The following ARHGAP22 variants were observed in gnomAD, a reference collection of about 807,000 sequenced individuals.
ARHGAP22 encodes the protein Rho GTPase activating protein 22.
A neutral mutation model predicts 59.1 loss-of-function variants in ARHGAP22; 48 were observed. The observed-to-expected ratio is 0.81, with a 90% CI of 0.64 to 1.03. The LOEUF is 1.03. Among genes scored for constraint, ARHGAP22 ranks in the 50% least tolerant of loss-of-function variants. The pLI is 0.00. For synonymous variants in ARHGAP22, 445 were observed against 416.4 expected (o/e 1.07, Z -0.84); for missense variants, 1,015 against 958.7 (o/e 1.06, Z -0.78).
At chr10:48,490,039 C>T (rs2050228677) in intron 3 of ARHGAP22, among the ~76,000 whole-genome samples, 1 of 152,122 alleles carries the variant, frequency 6.6e-6, no homozygotes, top group Non-Finnish European at 1.5e-5. Context: ...GGCCCAGAGG[C>T]TCTCTTAAAC....
intron 6 of ARHGAP22, among the ~76,000 whole-genome samples, chr10:48,454,556 T>A (rs2046305105): frequency 1.3e-5 from 2 of 151,878 alleles, no homozygotes; most frequent in South Asian, 2.1e-4. Flanking sequence ...CCTGCACGGG[T>A]GGGGACGGGA....
chr10:48,622,492 T>C (rs184059331), intron 1 of ARHGAP22, among the ~76,000 whole-genome samples: 110 of 152,318 alleles, frequency 7.2e-4, no homozygotes, highest in African/African-American at 2.4e-3. Context: ...GTTTATGGGG[T>C]ACAGTGTGAT....
chr10:48,481,190 C>T lies in ARHGAP22; in HGVS notation c.323-1426G>A, dbSNP rs535889411. 6.6e-5 allele frequency among the ~76,000 whole-genome samples: 10 copies of T among 152,334 alleles called. No individual in the cohort carries two copies. In the East Asian group the frequency reaches 1.5e-3, roughly 24 times the overall value. ...CAGTGGAGCCCAACCCCAGAGGCTG[C>T]TCGGTTGGCTGGTGTGGTCACTCAC... is the stretch of plus-strand genomic sequence containing the variant. On this transcript the variant is annotated intron_variant, in intron 3 of 9. Transcript: ENST00000249601.
chr10:48,566,079 C>G (rs2058031058), intron 2 of ARHGAP22, among the ~76,000 whole-genome samples: 2 of 152,194 alleles, frequency 1.3e-5, no homozygotes, highest in Non-Finnish European at 2.9e-5. Context: ...TCAACATGAT[C>G]AAAGACTGGC....
At chr10:48,465,131 G>A (rs1163122022) in intron 4 of ARHGAP22, among the ~76,000 whole-genome samples, 1 of 152,196 alleles carries the variant, frequency 6.6e-6, no homozygotes, top group South Asian at 2.1e-4. Flanking sequence ...CACCCTCGGA[G>A]GGGAGCCTTG....
chr10:48,641,194 G>T (rs1379658785), intron 1 of ARHGAP22, among the ~76,000 whole-genome samples: 1 of 152,024 alleles, frequency 6.6e-6, no homozygotes, highest in African/African-American at 2.4e-5. Context: ...ACAAAAAAGA[G>T]AAGACATACA....
chr10:48,571,618 G>T (rs1812994604), intron 2 of ARHGAP22, among the ~76,000 whole-genome samples: 1 of 152,186 alleles, frequency 6.6e-6, no homozygotes, highest in Non-Finnish European at 1.5e-5. Flanking sequence ...TTCCTAAATT[G>T]TTTCAATCAT....
Position 48,620,470 on chromosome 10 carries a change from T to A in ARHGAP22, c.52+31764A>T, listed in dbSNP as rs1041820896. 2.6e-5 allele frequency among the ~76,000 whole-genome samples: 4 copies of A among 152,340 alleles called. No individual in the cohort carries two copies. The South Asian group carries it at 8.3e-4, about 32-fold the overall frequency. On this transcript the variant is annotated intron_variant, in intron 1 of 9. Coordinates refer to the ARHGAP22 transcript ENST00000435790. Reference sequence around the variant, plus strand: ...CATATCTTCTGGCTCTTTATCTTCATGGATTCCCACTGTGCAATGCCACAG... The same window carrying A: ...CATATCTTCTGGCTCTTTATCTTCAAGGATTCCCACTGTGCAATGCCACAG...
chr10:48,526,323 T>C (rs1424018654), intron 3 of ARHGAP22, among the ~76,000 whole-genome samples: 2 of 152,102 alleles, frequency 1.3e-5, no homozygotes, highest in Non-Finnish European at 2.9e-5. Flanking sequence ...GGCAGATTTC[T>C]GCCTCCCTCC....
At position 48,446,089 on chromosome 10, in the gene ARHGAP22, G is replaced by A. The variant is rs577916045; in HGVS notation, c.*302C>T. On this transcript the variant is annotated 3_prime_UTR_variant, in exon 10 of 10. Coordinates refer to ENST00000249601, the MANE Select transcript of ARHGAP22 (RefSeq NM_021226.4). ...GCTGACTGTTCCCGGTGGCTGCCTG[G>A]ATCCTGGGCGCCCTCCATTTCTGTG... The A allele has an allele frequency of 1.2e-5, 5 of 428,494 alleles. No homozygotes were observed. Among genetic ancestry groups the A allele is most frequent in the Non-Finnish European group, 2.1e-5 (5 of 241,834 alleles). 26.5% of individuals were successfully genotyped at this position (428,494 alleles called of 1,614,324 possible). A position where few individuals can be genotyped will look rare whatever the true frequency, so the allele number is the denominator to read the frequency against.
intron 3 of ARHGAP22, among the ~76,000 whole-genome samples, chr10:48,534,977 T>TA (rs1260091309): frequency 4.6e-5 from 7 of 152,164 alleles, no homozygotes; most frequent in African/African-American, 1.7e-4. Context: ...TGAGACCCTG[T>TA]ATATGAACTA....
intron 3 of ARHGAP22, among the ~76,000 whole-genome samples, chr10:48,547,413 G>C (rs188647663): frequency 2.0e-3 from 304 of 152,346 alleles, no homozygotes; most frequent in Admixed American, 4.0e-3. Context: ...TGGGGAGTTG[G>C]GGGGGAGGCC....
chr10:48,588,348 G>A (rs2059554458), intron 1 of ARHGAP22, among the ~76,000 whole-genome samples: 1 of 152,228 alleles, frequency 6.6e-6, no homozygotes, highest in Admixed American at 6.5e-5. Flanking sequence ...TGCAAAACCA[G>A]CCTAGGATTT....
At chr10:48,639,984 C>T (rs2061977832) in intron 1 of ARHGAP22, among the ~76,000 whole-genome samples, 2 of 151,782 alleles carry the variant, frequency 1.3e-5, no homozygotes, top group African/African-American at 2.4e-5. Context: ...GGACATAGGA[C>T]AATAATAAAT....
intron 1 of ARHGAP22, among the ~76,000 whole-genome samples, chr10:48,614,745 C>G (rs191731088): frequency 2.0e-5 from 3 of 152,174 alleles, no homozygotes; most frequent in Non-Finnish European, 4.4e-5. Context: ...TAGTCCCATT[C>G]CAGCTCTCCA....
intron 3 of ARHGAP22, among the ~76,000 whole-genome samples, chr10:48,513,475 C>T (rs2052995837): frequency 6.6e-6 from 1 of 152,212 alleles, no homozygotes; most frequent in Non-Finnish European, 1.5e-5. Context: ...AACACACAAA[C>T]ATACATGTGC....
chr10:48,479,643 C>A lies in ARHGAP22; in HGVS notation c.444G>T (p.Leu148=), dbSNP rs779330687. The A allele has an allele frequency of 5.6e-6, 9 of 1,613,716 alleles. No individual in the cohort carries two copies. The highest frequency in any genetic ancestry group is 7.6e-6 in the Non-Finnish European group (9 of 1,179,988). ...GCGATCTACGGGCAGTACCTCCGCCCAGCGGGGCCCAGATGACTCGGCGGA... is the reference window on the plus strand; with the variant it reads ...GCGATCTACGGGCAGTACCTCCGCCAAGCGGGGCCCAGATGACTCGGCGGA... The part of the protein sequence containing the change: ...QAIRRVIWAP[L]GGGIFGQRLE... Residue 148 remains leucine (L), a synonymous_variant, in exon 4 of 10, where the codon CTG becomes CTT. Transcript: ENST00000249601.
intron 1 of ARHGAP22, among the ~76,000 whole-genome samples, chr10:48,623,325 G>A (rs1160910753): frequency 6.6e-6 from 1 of 152,254 alleles, no homozygotes; most frequent in Non-Finnish European, 1.5e-5. Context: ...CAATGTGAGG[G>A]AGGGCTGCGT....
chr10:48,493,736 G>C (rs574061186), intron 3 of ARHGAP22: 22 of 1,132,030 alleles, frequency 1.9e-5, no homozygotes, highest in Non-Finnish European at 2.6e-5. Context: ...TGGGATCCCC[G>C]CCAGTGGGAG....
Sources: gnomAD v4.1 joint callset for allele counts (sites outside exome capture counted in the v4.1 genomes callset) on GRCh38, gnomAD v4.1.1 for gene constraint, MANE v1.5 for transcripts, NCBI Gene and HGNC (gene_info 2026-07-23, HGNC 2026-07-21) for gene names.